The following CCSER1 variants were observed in gnomAD, a reference collection of about 807,000 sequenced individuals.
The protein encoded by CCSER1 is serine-rich coiled-coil domain-containing protein 1.
A neutral mutation model predicts 82.0 loss-of-function variants in CCSER1; 41 were observed. The ratio of observed to expected loss-of-function variants is 0.50; its 90% CI spans 0.39 to 0.65. The LOEUF (loss-of-function observed/expected upper bound fraction) is 0.65, where lower values mean the gene tolerates loss of function less well. CCSER1 is among the 30% of genes least tolerant of loss of function. The pLI, the probability that CCSER1 is intolerant of heterozygous loss-of-function variation, is 0.00. For missense variants in CCSER1, 1,119 were observed against 1,064.2 expected (o/e 1.05, Z -0.72); for synonymous variants, 414 against 383.9 (o/e 1.08, Z -0.92).
chr4:91,438,382 T>C (rs1368798390), intron 10 of CCSER1, among the ~76,000 whole-genome samples: 2 of 152,074 alleles, frequency 1.3e-5, no homozygotes, highest in African/African-American at 2.4e-5. Context: ...GGGTCTGGAG[T>C]GGACCTCTAG....
chr4:91,298,832 C>G (rs1744434923), intron 10 of CCSER1, among the ~76,000 whole-genome samples: 1 of 151,904 alleles, frequency 6.6e-6, no homozygotes, highest in Non-Finnish European at 1.5e-5. Flanking sequence ...ACAAAATCCT[C>G]CACAAGTGCT....
chr4:91,445,527 T>A (rs965030312), intron 10 of CCSER1, among the ~76,000 whole-genome samples: 1 of 151,990 alleles, frequency 6.6e-6, no homozygotes, highest in Admixed American at 6.6e-5. Context: ...ACAGTAGAGA[T>A]TATATATTTT....
chr4:90,631,095 G>C (rs981127632), intron 6 of CCSER1, among the ~76,000 whole-genome samples: 2 of 151,862 alleles, frequency 1.3e-5, no homozygotes, highest in Admixed American at 1.3e-4. Context: ...GGGTTTCACT[G>C]CGTTGGCCAG....
chr4:90,954,040 T>G (rs1733182221), intron 9 of CCSER1, among the ~76,000 whole-genome samples: 1 of 123,400 alleles, frequency 8.1e-6, no homozygotes, highest in Admixed American at 8.8e-5. Context: ...CTTACCAATT[T>G]GGAAAATGTT....
chr4:91,567,328 C>A (rs1349014933), intron 10 of CCSER1, among the ~76,000 whole-genome samples: 1 of 151,868 alleles, frequency 6.6e-6, no homozygotes, highest in Non-Finnish European at 1.5e-5. Context: ...AAGTATGTGC[C>A]ATGTGGTGAT....
chr4:90,822,213 C>G (rs1351277653), intron 8 of CCSER1, among the ~76,000 whole-genome samples: 1 of 152,112 alleles, frequency 6.6e-6, no homozygotes, highest in African/African-American at 2.4e-5. Flanking sequence ...TGTGAATTTA[C>G]TGTTTTAACT....
intron 8 of CCSER1, among the ~76,000 whole-genome samples, chr4:90,898,844 T>G (rs1724164602): frequency 6.6e-6 from 1 of 152,110 alleles, no homozygotes; most frequent in Admixed American, 6.6e-5. Flanking sequence ...TCTTGGTTAT[T>G]AGAGCCTTTT....
chr4:90,463,808 A>C (rs1414557946), intron 4 of CCSER1, among the ~76,000 whole-genome samples: 1 of 152,146 alleles, frequency 6.6e-6, no homozygotes, highest in Non-Finnish European at 1.5e-5. Flanking sequence ...AGGCACCTTC[A>C]GTCACTTAAA....
chr4:91,143,253 G>A (rs199500737), intron 10 of CCSER1, among the ~76,000 whole-genome samples: 1 of 140,572 alleles, frequency 7.1e-6, no homozygotes, highest in Non-Finnish European at 1.5e-5. Flanking sequence ...TTGTGAATTT[G>A]ATTTTTTTTT....
At chr4:90,271,862 A>ATATATATATATATATATATTTT (rs1553982816) in intron 1 of CCSER1, among the ~76,000 whole-genome samples, 1 of 21,762 alleles carries the variant, frequency 4.6e-5, no homozygotes, top group African/African-American at 2.6e-4. Flanking sequence ...ATATATATAT[A>ATATATATATATATATATATTTT]TTTTTTTTTT....
chr4:91,431,498 G>C (rs906478142), intron 10 of CCSER1, among the ~76,000 whole-genome samples: 1 of 151,722 alleles, frequency 6.6e-6, no homozygotes, highest in Admixed American at 6.6e-5. Context: ...ATGGGGTTTC[G>C]CTCTTGTTGC....
At chr4:91,045,576 A>G (rs764770166) in intron 9 of CCSER1, among the ~76,000 whole-genome samples, 1 of 152,216 alleles carries the variant, frequency 6.6e-6, no homozygotes, top group Non-Finnish European at 1.5e-5. Flanking sequence ...ACATAAAAAT[A>G]AAAACAGATA....
chr4:90,278,562 A>G (rs1027758030), intron 1 of CCSER1, among the ~76,000 whole-genome samples: 1 of 152,110 alleles, frequency 6.6e-6, no homozygotes, highest in South Asian at 2.1e-4. Flanking sequence ...TCCTAAGTGA[A>G]CTAACCCAGA....
intron 7 of CCSER1, among the ~76,000 whole-genome samples, chr4:90,788,916 C>T (rs1358458104): frequency 6.6e-6 from 1 of 152,014 alleles, no homozygotes. Context: ...AGATTTTCCT[C>T]CCCCAGGCAT....
intron 10 of CCSER1, among the ~76,000 whole-genome samples, chr4:91,118,377 C>A (rs1299411393): frequency 2.0e-5 from 3 of 149,932 alleles, no homozygotes; most frequent in Non-Finnish European, 4.4e-5. Context: ...CGGGCTCAAG[C>A]AATCTTCACA....
Position 90,211,705 on chromosome 4 carries a change from CAGTT to C in CCSER1, c.-42+83878_-42+83881del, listed in dbSNP as rs764333996. 4.6e-5 allele frequency among the ~76,000 whole-genome samples: 7 copies of C among 152,116 alleles called. No individual in the cohort carries two copies. In the East Asian group the frequency reaches 1.2e-3, roughly 25 times the overall value. ...TGGATTTCATTCCATATGTGATTAA[CAGTT>C]AGTGAATAATATTAGTTGTAATAAT... On this transcript the variant is annotated intron_variant, in intron 1 of 10. Transcript: ENST00000509176.
intron 1 of CCSER1, among the ~76,000 whole-genome samples, chr4:90,181,008 G>A (rs574808105): frequency 6.6e-6 from 1 of 152,064 alleles, no homozygotes; most frequent in Non-Finnish European, 1.5e-5. Flanking sequence ...GAGCATAACA[G>A]TAATCTTTAC....
chr4:91,359,639 G>T (rs146156330), intron 10 of CCSER1, among the ~76,000 whole-genome samples: 1 of 151,864 alleles, frequency 6.6e-6, no homozygotes, highest in African/African-American at 2.4e-5. Flanking sequence ...CTCATAATTT[G>T]GTTGATAAAG....
intron 3 of CCSER1, among the ~76,000 whole-genome samples, chr4:90,377,269 G>A (rs894598979): frequency 3.9e-5 from 6 of 152,116 alleles, no homozygotes; most frequent in African/African-American, 1.4e-4. Flanking sequence ...TAATATTAAT[G>A]TGTTGTTAAA....
Sources: gnomAD v4.1 joint callset for allele counts (sites outside exome capture counted in the v4.1 genomes callset) on GRCh38, gnomAD v4.1.1 for gene constraint, MANE v1.5 for transcripts, NCBI Gene and HGNC (gene_info 2026-07-23, HGNC 2026-07-21) for gene names.